GTSE1: variants seen among roughly 807,000 people sequenced by gnomAD.
GTSE1 encodes the protein G2 and S-phase expressed 1.
In GTSE1, 52 loss-of-function variants were observed where a neutral mutation model predicts 60.5. The observed-to-expected ratio is 0.86, with a 90% CI of 0.69 to 1.08. The LOEUF (loss-of-function observed/expected upper bound fraction) is 1.08. Among genes scored for constraint, GTSE1 ranks in the 50% least tolerant of loss-of-function variants. The pLI is 0.00. For synonymous variants in GTSE1, 368 were observed against 386.5 expected (o/e 0.95, Z 0.56); for missense variants, 937 against 961.8 (o/e 0.97, Z 0.34).
chr22:46,322,395 T>C (rs2077818496), intron 7 of GTSE1, among the ~76,000 whole-genome samples: 1 of 152,168 alleles, frequency 6.6e-6, no homozygotes. Context: ...ACAGCCTCTT[T>C]TCCCATGGCT....
chr22:46,307,226 A>G (rs1225527206), intron 2 of GTSE1, among the ~76,000 whole-genome samples: 3 of 152,246 alleles, frequency 2.0e-5, no homozygotes, highest in Non-Finnish European at 4.4e-5. Flanking sequence ...CCAAGAAGCA[A>G]TGGCGGTCAA....
At chr22:46,302,895 C>CT (rs34051708) in intron 2 of GTSE1, among the ~76,000 whole-genome samples, 17,057 of 131,340 alleles carry the variant, frequency 0.13, 1,464 homozygotes, top group African/African-American at 0.18. Context: ...CACTTTCCCT[C>CT]TTTTTTTTTT....
At chr22:46,302,638 A>G (rs2077695612) in intron 2 of GTSE1, among the ~76,000 whole-genome samples, 1 of 152,164 alleles carries the variant, frequency 6.6e-6, no homozygotes. Context: ...CTGGGATTAC[A>G]GATGTGAGCC....
chr22:46,304,143 C>G lies in GTSE1; in HGVS notation c.80-4007C>G, dbSNP rs901107010. Among the ~76,000 whole-genome samples, 3 of 152,052 alleles carry G rather than the reference C, an allele frequency of 2.0e-5. No individual in the cohort carries two copies. Among genetic ancestry groups the G allele is most frequent in the Non-Finnish European group, 4.4e-5 (3 of 68,022 alleles). ...TAGCTGGGACTACAGGTATATGGCACCATACCCCGCTCATTTTTTTTTTTC... is the reference window on the plus strand; with the variant it reads ...TAGCTGGGACTACAGGTATATGGCAGCATACCCCGCTCATTTTTTTTTTTC... On this transcript the variant is annotated intron_variant, in intron 2 of 11. Transcript: ENST00000454366. The surrounding 1 kb of genome is among the most constrained non-coding windows in gnomAD (Gnocchi z 4.4).
Position 46,319,910 on chromosome 22 carries a change from A to G in GTSE1, c.1433-3280A>G, listed in dbSNP as rs2077802436. Among the ~76,000 whole-genome samples, 1 of 151,710 alleles carries G rather than the reference A, an allele frequency of 6.6e-6. No homozygotes were observed. The highest frequency in any genetic ancestry group is 2.4e-5 in the African/African-American group (1 of 41,244). On this transcript the variant is annotated intron_variant, in intron 7 of 11. Coordinates refer to ENST00000454366, the MANE Select transcript of GTSE1 (RefSeq NM_016426.7). The surrounding 1 kb of genome is among the most constrained non-coding windows in gnomAD (Gnocchi z 5.0). ...CTGAGGCAGGAGAATCACTTGAGCCAGGAGGCAGAGGTTGTAGTGAGCCGA... is the reference window on the plus strand; with the variant it reads ...CTGAGGCAGGAGAATCACTTGAGCCGGGAGGCAGAGGTTGTAGTGAGCCGA...
rs574037580 is a variant in GTSE1, at chr22:46,321,933, G to A, written c.1433-1257G>A. ...TACTAACAATACAAAAATTATCCGG[G>A]CGTGGTGGCGGGCACCTATAATTCC... On this transcript the variant is annotated intron_variant, in intron 7 of 11. Transcript: ENST00000454366. This position sits in a 1 kb window ranked among gnomAD's most constrained non-coding sequence, Gnocchi z 4.0. Among the ~76,000 whole-genome samples, 4 of 152,188 alleles carry A rather than the reference G, an allele frequency of 2.6e-5. No homozygotes were observed. In the East Asian group the frequency reaches 7.7e-4, roughly 29 times the overall value.
intron 8 of GTSE1, 115 bp downstream of exon 8, chr22:46,323,377 A>C (rs1302797120): frequency 2.5e-6 from 2 of 814,326 alleles, no homozygotes; most frequent in Non-Finnish European, 4.3e-6. Flanking sequence ...CTTCCACGCC[A>C]GTCTCTTGGG....
chr22:46,305,060 G>A (rs572935876), intron 2 of GTSE1, among the ~76,000 whole-genome samples: 2 of 152,304 alleles, frequency 1.3e-5, no homozygotes, highest in South Asian at 2.1e-4. Flanking sequence ...AGGTTTTTTG[G>A]TAACATACTT....
intron 8 of GTSE1, among the ~76,000 whole-genome samples, chr22:46,323,872 TTAG>T (rs986299944): frequency 2.6e-5 from 4 of 152,122 alleles, no homozygotes; most frequent in Middle Eastern, 3.4e-3. Flanking sequence ...TGTATTTTTT[TTAG>T]TAGAGATGGG....
chr22:46,317,986 G>C lies in GTSE1; in HGVS notation c.1432+1574G>C, dbSNP rs956973864. ...CTGCCTGGTGCTCAGCCAGAGACTC[G>C]AGATTCCCTTGGGTTCCTAGAGCTC... On this transcript the variant is annotated intron_variant, in intron 7 of 11. Coordinates refer to ENST00000454366, the MANE Select transcript of GTSE1 (RefSeq NM_016426.7). The surrounding 1 kb of genome is among the most constrained non-coding windows in gnomAD (Gnocchi z 5.6). Among the ~76,000 whole-genome samples the C allele has an allele frequency of 6.6e-6, 1 of 152,210 alleles. No homozygotes were observed. Among genetic ancestry groups the C allele is most frequent in the African/African-American group, 2.4e-5 (1 of 41,446 alleles).
chr22:46,328,792 T>C lies in GTSE1; in HGVS notation c.1829T>C (p.Phe610Ser). 1 of 1,613,962 alleles carries C rather than the reference T, an allele frequency of 6.2e-7. No homozygotes were observed. The stretch of plus-strand genomic sequence containing the variant: ...TCCCGTGTGCCTCAGGCACTTAACT[T>C]TTCTCCAGAGGAAAGCGATTCTACT... ...PPSRVPQALNFSPEESDSTFS... is the reference protein window; with the variant it reads ...PPSRVPQALNSSPEESDSTFS... The change falls in exon 10 of 12, where the codon TTT becomes TCT. Residue 610 changes from phenylalanine to serine, a missense_variant. By Grantham distance (155) the Phe-to-Ser change is radical. Coordinates refer to ENST00000454366, the MANE Select transcript of GTSE1 (RefSeq NM_016426.7).
intron 10 of GTSE1, 88 bp downstream of exon 10, chr22:46,328,977 C>A: frequency 9.4e-7 from 1 of 1,062,842 alleles, no homozygotes; most frequent in South Asian, 1.4e-5. Flanking sequence ...CTGTGGCTGG[C>A]GGAGTTCCCT....
In GTSE1 at chr22:46,321,675, C is replaced by T. The variant is rs374618767; in HGVS notation, c.1433-1515C>T. ...GAGACATCGCAAGAAGCTTCCAGCA[C>T]GCTGGAAGCAGAGCTGGGTGTGGTG... On this transcript the variant is annotated intron_variant, in intron 7 of 11. Transcript: ENST00000454366. The surrounding 1 kb of genome is among the most constrained non-coding windows in gnomAD (Gnocchi z 4.0). Among the ~76,000 whole-genome samples, 35 of 152,266 alleles carry T rather than the reference C, an allele frequency of 2.3e-4. No homozygotes were observed. The Middle Eastern group carries it at 0.017, about 74-fold the overall frequency.
chr22:46,329,040 G>A lies in GTSE1; in HGVS notation c.1926+151G>A, dbSNP rs554887230. On this transcript the variant is annotated intron_variant, in intron 10 of 11. Coordinates refer to ENST00000454366, the MANE Select transcript of GTSE1 (RefSeq NM_016426.7). This position sits in a 1 kb window ranked among gnomAD's most constrained non-coding sequence, Gnocchi z 6.4. ...TCCGTGCCAAGCAACCCAAAGGGAG[G>A]CAGTCAGGACTTCCAGGCCTCCAGG... 6.6e-5 allele frequency: 44 copies of A among 661,974 alleles called. No individual in the cohort carries two copies. The South Asian group carries it at 7.8e-4, about 12-fold the overall frequency. 41.0% of individuals were successfully genotyped at this position (661,974 alleles called of 1,614,324 possible). A position where few individuals can be genotyped will look rare whatever the true frequency, so the allele number is the denominator to read the frequency against.
intron 7 of GTSE1, among the ~76,000 whole-genome samples, chr22:46,322,520 A>T (rs6007845): frequency 0.26 from 38,931 of 151,946 alleles, 8,535 homozygotes; most frequent in African/African-American, 0.6. Flanking sequence ...GCCAGTATAG[A>T]GGAGGAGGAA....
rs2077832443 is a variant in GTSE1 at position 46,324,451 on chromosome 22, T to C, written c.1505+1189T>C. ...GGCACGATCTCAGCTCATGGTAAGC[T>C]CCGCCTCCTGGATTCACGCCATTCT... On this transcript the variant is annotated intron_variant, in intron 8 of 11. Transcript: ENST00000454366. This position sits in a 1 kb window ranked among gnomAD's most constrained non-coding sequence, Gnocchi z 5.2. Among the ~76,000 whole-genome samples, 1 of 152,034 alleles carries C rather than the reference T, an allele frequency of 6.6e-6. No homozygotes were observed. The highest frequency in any genetic ancestry group is 2.4e-5 in the African/African-American group (1 of 41,382).
chr22:46,330,364 C>T lies in GTSE1; in HGVS notation c.*234C>T. The T allele has an allele frequency of 9.3e-6, 4 of 430,784 alleles. No homozygotes were observed. Among genetic ancestry groups the T allele is most frequent in the South Asian group, 5.4e-5 (2 of 36,966 alleles). 26.7% of individuals were successfully genotyped at this position (430,784 alleles called of 1,614,324 possible). ...GGGTGTGGTAGTGCATGCCTGTAGTCCCAGCTACTTGGGAGGCTGAAGTGG... is the reference window on the plus strand; with the variant it reads ...GGGTGTGGTAGTGCATGCCTGTAGTTCCAGCTACTTGGGAGGCTGAAGTGG... On this transcript the variant is annotated 3_prime_UTR_variant, in exon 12 of 12. Transcript: ENST00000454366. This position sits in a 1 kb window ranked among gnomAD's most constrained non-coding sequence, Gnocchi z 6.0.
rs1375723087 is a variant in GTSE1 at position 46,317,740 on chromosome 22, C to T, written c.1432+1328C>T. Among the ~76,000 whole-genome samples the T allele has an allele frequency of 5.9e-5, 9 of 152,336 alleles. No individual in the cohort carries two copies. Among genetic ancestry groups the T allele is most frequent in the African/African-American group, 1.4e-4 (6 of 41,588 alleles). ...GCATAGCCTTTCCGCCTCCCGCCAC[C>T]GGCGTCCTTCCCAAGGCCTCTGCTG... On this transcript the variant is annotated intron_variant, in intron 7 of 11. Coordinates refer to ENST00000454366, the MANE Select transcript of GTSE1 (RefSeq NM_016426.7). The surrounding 1 kb of genome is among the most constrained non-coding windows in gnomAD (Gnocchi z 5.6).
In GTSE1 at chr22:46,316,213, G is replaced by A. The variant is rs573781773; in HGVS notation, c.1233G>A (p.Thr411=). The part of the protein sequence containing the change: ...DVSELAAEQL[T]APPSASPTQP... ...CTGAGCTGGCAGCGGAGCAGCTCAC[G>A]GCACCCCCCTCAGCATCCCCCACCC... Residue 411 remains threonine, a synonymous_variant, in exon 7 of 12, where the codon ACG becomes ACA. Coordinates refer to ENST00000454366, the MANE Select transcript of GTSE1 (RefSeq NM_016426.7). This position sits in a 1 kb window ranked among gnomAD's most constrained non-coding sequence, Gnocchi z 5.0. 455 of 1,613,600 alleles carry A rather than the reference G, an allele frequency of 2.8e-4. 4 individuals carry two copies. In the South Asian group the frequency reaches 3.7e-3, roughly 13 times the overall value.
Sources: allele counts gnomAD v4.1 joint callset (sites outside exome capture counted in the v4.1 genomes callset), GRCh38; gene constraint gnomAD v4.1.1; non-coding constraint Gnocchi (gnomAD v3.1); transcripts MANE v1.5; gene names NCBI Gene and HGNC (gene_info 2026-07-23, HGNC 2026-07-21).